AATF: variants seen among roughly 807,000 people sequenced by gnomAD.
AATF encodes the protein protein AATF.
In AATF, 48 loss-of-function variants were observed where a neutral mutation model predicts 63.7. That is an observed-to-expected ratio of 0.75 (90% CI 0.60 to 0.96). The LOEUF (loss-of-function observed/expected upper bound fraction) is 0.96, where lower values mean the gene tolerates loss of function less well. AATF is among the 40% of genes least tolerant of loss of function. The pLI, the probability that AATF is intolerant of heterozygous loss-of-function variation, is 0.00. For missense variants in AATF, 639 were observed against 685.7 expected (o/e 0.93, Z 0.76); for synonymous variants, 258 against 247.7 (o/e 1.04, Z -0.39).
intron 4 of AATF, among the ~76,000 whole-genome samples, chr17:36,983,413 T>C (rs1041312793): frequency 6.6e-6 from 1 of 152,022 alleles, no homozygotes; most frequent in Non-Finnish European, 1.5e-5. Flanking sequence ...AGTGGTGCAG[T>C]CTTGGCTCAC....
At chr17:36,994,954 G>A (rs949190608) in intron 8 of AATF, among the ~76,000 whole-genome samples, 1 of 152,184 alleles carries the variant, frequency 6.6e-6, no homozygotes, top group African/African-American at 2.4e-5. Flanking sequence ...ACTGCACTTA[G>A]CAATAAGCTA....
chr17:37,008,525 T>C (rs924972009), intron 8 of AATF, among the ~76,000 whole-genome samples: 7 of 152,192 alleles, frequency 4.6e-5, no homozygotes, highest in African/African-American at 1.7e-4. Context: ...CTGTAACTGG[T>C]ATTTGACAAG....
chr17:37,049,810 G>A (rs894729127), intron 11 of AATF, among the ~76,000 whole-genome samples: 6 of 152,158 alleles, frequency 3.9e-5, no homozygotes, highest in South Asian at 2.1e-4. Flanking sequence ...ATCTTTTTCC[G>A]CAGACATTTG....
intron 10 of AATF, among the ~76,000 whole-genome samples, chr17:37,030,669 T>G (rs1437941564): frequency 6.6e-6 from 1 of 152,168 alleles, no homozygotes; most frequent in Non-Finnish European, 1.5e-5. Context: ...TCAAACTTAC[T>G]GTGAATTCAG....
At chr17:37,021,258 AAG>A (rs1464356740) in intron 10 of AATF, 25 of 389,694 alleles carry the variant, frequency 6.4e-5, no homozygotes, top group Admixed American at 6.2e-4. Context: ...ATTCCCTTGA[AAG>A]AGAAAAAATA....
At chr17:36,949,358 G>C (rs987565619) in intron 1 of AATF, 142 bp downstream of exon 1, 1 of 764,710 alleles carries the variant, frequency 1.3e-6, no homozygotes, top group Non-Finnish European at 2.0e-6. Context: ...CTCCCGCGAG[G>C]GTGGTCCCGG....
chr17:37,031,260 C>T (rs1173977829), intron 10 of AATF: 3 of 248,652 alleles, frequency 1.2e-5, no homozygotes, highest in South Asian at 7.3e-5. Context: ...CAACTATTTA[C>T]GTAGCATTTA....
intron 11 of AATF, among the ~76,000 whole-genome samples, chr17:37,048,372 T>C (rs1009667029): frequency 2.1e-5 from 3 of 141,414 alleles, no homozygotes; most frequent in African/African-American, 5.3e-5. Context: ...TCTTTTTTTT[T>C]TTTTTTTTTT....
At chr17:36,982,462 T>C (rs1452607994) in intron 4 of AATF, among the ~76,000 whole-genome samples, 1 of 152,188 alleles carries the variant, frequency 6.6e-6, no homozygotes, top group Non-Finnish European at 1.5e-5. Context: ...CAGGAAATCC[T>C]TCCACCTCAG....
At chr17:37,044,447 G>C (rs538067762) in intron 11 of AATF, among the ~76,000 whole-genome samples, 1 of 152,182 alleles carries the variant, frequency 6.6e-6, no homozygotes, top group South Asian at 2.1e-4. Flanking sequence ...TTTTTACTTA[G>C]GATTGAACCC....
At chr17:37,011,957 A>G (rs1365517579) in intron 8 of AATF, among the ~76,000 whole-genome samples, 1 of 152,188 alleles carries the variant, frequency 6.6e-6, no homozygotes, top group Non-Finnish European at 1.5e-5. Context: ...AGGAAGGTAT[A>G]GTAATTCCTT....
At chr17:37,002,840 A>G (rs960385219) in intron 8 of AATF, among the ~76,000 whole-genome samples, 7 of 151,712 alleles carry the variant, frequency 4.6e-5, no homozygotes, top group Non-Finnish European at 8.8e-5. Flanking sequence ...CATTATTAAG[A>G]TGACAGTACT....
intron 4 of AATF, among the ~76,000 whole-genome samples, chr17:36,978,784 C>G (rs1357786040): frequency 1.3e-5 from 2 of 151,666 alleles, no homozygotes; most frequent in African/African-American, 4.8e-5. Flanking sequence ...AACCTGCAGT[C>G]CTCTGTCTTA....
chr17:36,963,705 A>T (rs1772862566), intron 4 of AATF, among the ~76,000 whole-genome samples: 1 of 152,184 alleles, frequency 6.6e-6, no homozygotes, highest in Admixed American at 6.5e-5. Context: ...ACTTTAGATA[A>T]TTTCTTTATA....
chr17:37,005,619 T>A (rs559175239), intron 8 of AATF, among the ~76,000 whole-genome samples: 2 of 152,282 alleles, frequency 1.3e-5, no homozygotes, highest in East Asian at 3.9e-4. Context: ...AAATGACATA[T>A]AGTAAAAGAA....
At chr17:36,970,049 G>A (rs2071026842) in intron 4 of AATF, among the ~76,000 whole-genome samples, 1 of 152,072 alleles carries the variant, frequency 6.6e-6, no homozygotes, top group African/African-American at 2.4e-5. Flanking sequence ...TTTGTTTCCA[G>A]TTTTTGGCTA....
chr17:36,968,929 A>G (rs926291631), intron 4 of AATF, among the ~76,000 whole-genome samples: 7 of 152,158 alleles, frequency 4.6e-5, no homozygotes, highest in Middle Eastern at 6.8e-3. Flanking sequence ...CGCCTGGCCT[A>G]TGTATTTTTG....
intron 11 of AATF, among the ~76,000 whole-genome samples, chr17:37,044,811 C>T (rs868797272): frequency 2.0e-5 from 3 of 152,078 alleles, no homozygotes; most frequent in Non-Finnish European, 4.4e-5. Context: ...TAGTTCGTGT[C>T]GGTGCTCAAA....
At chr17:36,975,296 C>T (rs1449080088) in intron 4 of AATF, among the ~76,000 whole-genome samples, 2 of 151,750 alleles carry the variant, frequency 1.3e-5, no homozygotes, top group Admixed American at 6.6e-5. Flanking sequence ...CTTTTTGAAG[C>T]GTTTTAAAGT....
Sources: allele counts gnomAD v4.1 joint callset (sites outside exome capture counted in the v4.1 genomes callset), GRCh38; gene constraint gnomAD v4.1.1; transcripts MANE v1.5; gene names NCBI Gene and HGNC (gene_info 2026-07-23, HGNC 2026-07-21).